The following KYAT3 variants were observed in gnomAD, a reference collection of about 807,000 sequenced individuals.
The protein encoded by KYAT3 is kynurenine--oxoglutarate transaminase 3.
KYAT3 carries 50 observed loss-of-function variants against 59.0 expected under a neutral mutation model. The observed-to-expected ratio is 0.85, with a 90% confidence interval of 0.68 to 1.07. The LOEUF (loss-of-function observed/expected upper bound fraction) is 1.07. Ranked by LOEUF, KYAT3 falls within the 50% of genes least tolerant of loss-of-function variation. The probability of loss-of-function intolerance (pLI) is 0.00; values close to 1 mark genes in which losing one functional copy is unlikely to be tolerated. For synonymous variants in KYAT3, 148 were observed against 177.0 expected (o/e 0.84, Z 1.30); for missense variants, 497 against 533.3 (o/e 0.93, Z 0.67).
chr1:88,966,653 A>G (rs1676362142), intron 4 of KYAT3, among the ~76,000 whole-genome samples: 1 of 152,056 alleles, frequency 6.6e-6, no homozygotes, highest in Admixed American at 6.6e-5. Context: ...TTCTATGTAC[A>G]CAATCATGTT....
At chr1:88,936,389 G>A in intron 13 of KYAT3, 144 bp from the exon 14 acceptor site, 1 of 608,858 alleles carries the variant, frequency 1.6e-6, no homozygotes, top group South Asian at 2.2e-5. Context: ...AAAAGCAAAA[G>A]CAGAACCCAA....
At chr1:88,936,746 T>C (rs977032061) in intron 13 of KYAT3, among the ~76,000 whole-genome samples, 1 of 152,264 alleles carries the variant, frequency 6.6e-6, no homozygotes, top group African/African-American at 2.4e-5. Flanking sequence ...AATAGTTTAT[T>C]TTTTGAATAG....
At chr1:88,960,828 G>A (rs866936935) in intron 8 of KYAT3, among the ~76,000 whole-genome samples, 2 of 152,302 alleles carry the variant, frequency 1.3e-5, no homozygotes, top group Middle Eastern at 6.8e-3. Context: ...GTTCAGCATA[G>A]ACCGTCTAGA....
chr1:88,942,132 T>C (rs1248330695), intron 13 of KYAT3, among the ~76,000 whole-genome samples: 3 of 152,194 alleles, frequency 2.0e-5, no homozygotes, highest in African/African-American at 7.2e-5. Context: ...TCTCCTTTTT[T>C]CAGATTGGAT....
intron 2 of KYAT3, among the ~76,000 whole-genome samples, chr1:88,974,835 A>G (rs917560766): frequency 6.6e-6 from 1 of 152,156 alleles, no homozygotes; most frequent in Non-Finnish European, 1.5e-5. Flanking sequence ...AAACACACCA[A>G]TTAGCACTCT....
In KYAT3 at chr1:88,943,121, A is replaced by T. The variant is rs758350132; in HGVS notation, c.1216-30T>A. The T allele has an allele frequency of 2.0e-5, 30 of 1,479,840 alleles. No homozygotes were observed. The Admixed American group carries it at 4.9e-4, about 24-fold the overall frequency. The allele number at this position is 1,479,840 out of a possible 1,614,324, so 91.7% of individuals were successfully genotyped here. Reference sequence around the variant, plus strand: ...AAAATAAATAGAAACATATAATAAGAAAACTACTTACACTTCAAATATTAA... The same window carrying T: ...AAAATAAATAGAAACATATAATAAGTAAACTACTTACACTTCAAATATTAA... On this transcript the variant is annotated intron_variant, in intron 12 of 13. Coordinates refer to ENST00000260508, the MANE Select transcript of KYAT3 (RefSeq NM_001008661.3).
At chr1:88,978,480 T>C (rs1557702305) in intron 2 of KYAT3, among the ~76,000 whole-genome samples, 1 of 151,980 alleles carries the variant, frequency 6.6e-6, no homozygotes, top group Non-Finnish European at 1.5e-5. Flanking sequence ...GGATGACATA[T>C]GTGTGCCAGT....
rs1676279563 is a variant in KYAT3 at position 88,964,831 on chromosome 1, C to T, written c.451G>A (p.Glu151Lys). Residue 151 changes from glutamate (E) to lysine (K), a missense_variant and splice_region_variant, in exon 5 of 14, where the codon GAA (glutamate) becomes AAA (lysine). Around this residue, in one of 2 missense-constraint regions of KYAT3, gnomAD observed 469 missense variants for 479.1 expected, o/e 0.98. Transcript: ENST00000260508. ...TACGATAATGTTAATATACTTACTT[C>T]ATCTCCCTCATCAATTAATGCTTGA... ...TIQALIDEGDEVILIVPFYDC... is the reference protein window; with the variant it reads ...TIQALIDEGDKVILIVPFYDC... 1 of 1,586,970 alleles carries T rather than the reference C, an allele frequency of 6.3e-7. No homozygotes were observed. Among genetic ancestry groups the T allele is most frequent in the Non-Finnish European group, 8.6e-7 (1 of 1,167,996 alleles).
the KYAT3 span, among the ~76,000 whole-genome samples, chr1:88,922,790 G>A: frequency 2.0e-5 from 3 of 152,172 alleles, no homozygotes; most frequent in Admixed American, 6.5e-5. Context: ...TAGTTTGTAT[G>A]GAATTGACCT....
chr1:88,926,624 T>C, the KYAT3 span, among the ~76,000 whole-genome samples: 113 of 152,270 alleles, frequency 7.4e-4, no homozygotes, highest in Non-Finnish European at 1.3e-3. Context: ...CCCTGACCGA[T>C]AGATGGTTCC....
intron 2 of KYAT3, 132 bp from the exon 3 acceptor site, chr1:88,969,599 C>A: frequency 1.7e-6 from 1 of 592,340 alleles, no homozygotes; most frequent in South Asian, 2.0e-5. Flanking sequence ...AAATCTTAGA[C>A]TCCAACACAA....
At chr1:88,982,617 T>G in intron 2 of KYAT3, 1 of 1,555,714 alleles carries the variant, frequency 6.4e-7, no homozygotes, top group Non-Finnish European at 8.7e-7. Flanking sequence ...TTTTTGTTTC[T>G]TTGAACTGGG....
intron 8 of KYAT3, among the ~76,000 whole-genome samples, chr1:88,956,909 A>G (rs995104227): frequency 5.9e-5 from 9 of 152,146 alleles, no homozygotes; most frequent in African/African-American, 2.2e-4. Context: ...TGCAACCCAC[A>G]AGTTTTTCCA....
At chr1:88,968,600 T>G in intron 4 of KYAT3, 70 bp downstream of exon 4, 2 of 1,231,248 alleles carry the variant, frequency 1.6e-6, no homozygotes, top group Non-Finnish European at 2.2e-6. Flanking sequence ...GAAGGGCACA[T>G]GCACACACAC....
rs141101182 is a variant in KYAT3 at position 88,967,984 on chromosome 1, G to T, written c.303+686C>A. 9.4e-4 allele frequency among the ~76,000 whole-genome samples: 143 copies of T among 152,216 alleles called. 1 individual carries two copies. The highest frequency in any genetic ancestry group is 3.2e-3 in the African/African-American group (134 of 41,538). On this transcript the variant is annotated intron_variant, in intron 4 of 13. Coordinates refer to ENST00000260508, the MANE Select transcript of KYAT3 (RefSeq NM_001008661.3). Reference sequence around the variant, plus strand: ...GGGAGTGAGATCTATGAAGAGCAGGGATTCTCACCAGTGTCAAACCCTGTG... The same window carrying T: ...GGGAGTGAGATCTATGAAGAGCAGGTATTCTCACCAGTGTCAAACCCTGTG...
At chr1:88,980,905 C>T (rs1180349602) in intron 2 of KYAT3, 2 of 152,016 alleles carry the variant, frequency 1.3e-5, no homozygotes, top group Non-Finnish European at 2.9e-5. Context: ...AGTAGTCTGC[C>T]AAATGAGAGT....
intron 2 of KYAT3, among the ~76,000 whole-genome samples, chr1:88,973,397 G>A (rs1441111290): frequency 6.6e-6 from 1 of 152,246 alleles, no homozygotes; most frequent in African/African-American, 2.4e-5. Flanking sequence ...GAGTCACCAA[G>A]ATTCTGCAGT....
At chr1:88,958,046 A>AT (rs1675987539) in intron 8 of KYAT3, among the ~76,000 whole-genome samples, 1 of 152,188 alleles carries the variant, frequency 6.6e-6, no homozygotes, top group South Asian at 2.1e-4. Context: ...TACCACCAAC[A>AT]TTTTGATGAC....
intron 8 of KYAT3, 134 bp from the exon 9 acceptor site, chr1:88,955,359 A>AT: frequency 1.8e-6 from 1 of 568,072 alleles, no homozygotes; most frequent in Non-Finnish European, 3.0e-6. Context: ...AGTTATTTCT[A>AT]GTTTTTTTTT....
Sources: allele counts gnomAD v4.1 joint callset (sites outside exome capture counted in the v4.1 genomes callset), GRCh38; gene constraint gnomAD v4.1.1; regional missense constraint gnomAD v4.1.1; transcripts MANE v1.5; gene names NCBI Gene and HGNC (gene_info 2026-07-23, HGNC 2026-07-21).